The following COL4A4 variants were observed in gnomAD, a reference collection of about 807,000 sequenced individuals.
COL4A4 encodes the protein collagen type IV alpha 4 chain, also known as collagen alpha-4(IV) chain.
A neutral mutation model predicts 192.9 loss-of-function variants in COL4A4; 105 were observed. That is an observed-to-expected ratio of 0.54 (90% CI 0.46 to 0.64). COL4A4 has a LOEUF of 0.64. Among genes scored for constraint, COL4A4 ranks in the 30% least tolerant of loss-of-function variants. The pLI, the probability that COL4A4 is intolerant of heterozygous loss-of-function variation, is 0.00. For missense variants in COL4A4, 1,967 were observed against 2,169.3 expected (o/e 0.91, Z 1.85); for synonymous variants, 762 against 769.9 (o/e 0.99, Z 0.17).
At chr2:227,125,636 T>G (rs958268877) in intron 4 of COL4A4, among the ~76,000 whole-genome samples, 1 of 152,160 alleles carries the variant, frequency 6.6e-6, no homozygotes, top group Non-Finnish European at 1.5e-5. Flanking sequence ...CTGACCTCCC[T>G]GCACCAGATT....
At chr2:227,131,943 G>A (rs1203048070) in intron 4 of COL4A4, among the ~76,000 whole-genome samples, 1 of 152,234 alleles carries the variant, frequency 6.6e-6, no homozygotes, top group Non-Finnish European at 1.5e-5. Context: ...CCAGAGCCGT[G>A]GAGGGAGCCT....
chr2:226,976,303 A>T, the COL4A4 span, among the ~76,000 whole-genome samples: 1 of 147,438 alleles, frequency 6.8e-6, no homozygotes, highest in Admixed American at 6.9e-5. Context: ...CCCCCTGGAG[A>T]CACCACTAGA....
At chr2:227,141,158 C>T (rs2063182533) in intron 3 of COL4A4, among the ~76,000 whole-genome samples, 1 of 152,204 alleles carries the variant, frequency 6.6e-6, no homozygotes, top group Non-Finnish European at 1.5e-5. Flanking sequence ...GGACAAATCA[C>T]CTCTAGGTGC....
intron 22 of COL4A4, among the ~76,000 whole-genome samples, chr2:227,085,741 C>T (rs1222852762): frequency 2.0e-5 from 3 of 152,160 alleles, no homozygotes; most frequent in East Asian, 3.9e-4. Flanking sequence ...AGGGATGGAG[C>T]TAAGCCATTC....
rs535615278 is a variant in COL4A4, at chr2:227,076,449, G to C, written c.1987+1445C>G. On this transcript the variant is annotated intron_variant, in intron 25 of 47. Transcript: ENST00000396625. Reference sequence around the variant, plus strand: ...ACTGGCTAGCCATATGCAGAAAGCAGAAACTGGACCCCTTCCTTACATCTT... The same window carrying C: ...ACTGGCTAGCCATATGCAGAAAGCACAAACTGGACCCCTTCCTTACATCTT... Among the ~76,000 whole-genome samples, 5 of 152,324 alleles carry C rather than the reference G, an allele frequency of 3.3e-5. No homozygotes were observed. In the South Asian group the frequency reaches 1.0e-3, roughly 32 times the overall value.
intron 25 of COL4A4, among the ~76,000 whole-genome samples, chr2:227,071,655 TAA>T (rs2150402947): frequency 6.6e-6 from 1 of 152,132 alleles, no homozygotes; most frequent in South Asian, 2.1e-4. Flanking sequence ...GGCCACAAAA[TAA>T]GTCTCAATAA....
intron 44 of COL4A4, among the ~76,000 whole-genome samples, chr2:227,013,516 G>A (rs1964250453): frequency 2.0e-5 from 3 of 152,170 alleles, no homozygotes; most frequent in Admixed American, 2.0e-4. Context: ...CCCCAGGGAT[G>A]CATGTCCCTG....
rs916895963 is a variant in COL4A4, at chr2:227,007,538, G to T, written c.4860C>A (p.Gly1620=). 5.6e-6 allele frequency: 9 copies of T among 1,613,302 alleles called. No individual in the cohort carries two copies. Among genetic ancestry groups the T allele is most frequent in the Non-Finnish European group, 5.1e-6 (6 of 1,180,046 alleles). ...CTGCTCTGAAATCTTCCAGGCAGCT[G>T]CCAGGTGACATAAGGGCCTGCCCTC... ...QGGGQALMSP[G]SCLEDFRAAP... The change falls in exon 48 of 48, where the codon GGC becomes GGA. Residue 1620 remains glycine (G), a synonymous_variant. Transcript: ENST00000396625.
At chr2:227,139,756 G>A (rs969154254) in intron 4 of COL4A4, among the ~76,000 whole-genome samples, 1 of 152,184 alleles carries the variant, frequency 6.6e-6, no homozygotes, top group Admixed American at 6.5e-5. Flanking sequence ...TTTCAATAGC[G>A]ACAATCCAAG....
At chr2:227,156,292 G>T (rs1224297391) in intron 1 of COL4A4, among the ~76,000 whole-genome samples, 7 of 151,884 alleles carry the variant, frequency 4.6e-5, no homozygotes, top group African/African-American at 1.5e-4. Flanking sequence ...TCAGCTACGT[G>T]GGAGGCTGAG....
At chr2:227,052,095 G>T (rs1307553695) in intron 32 of COL4A4, among the ~76,000 whole-genome samples, 1 of 152,020 alleles carries the variant, frequency 6.6e-6, no homozygotes, top group African/African-American at 2.4e-5. Flanking sequence ...GGAGGCTGAG[G>T]CAGGAGAATC....
chr2:227,163,826 C>T (rs919579359), intron 1 of COL4A4, among the ~76,000 whole-genome samples, 181 bp downstream of exon 1: 1 of 152,170 alleles, frequency 6.6e-6, no homozygotes, highest in African/African-American at 2.4e-5. Context: ...CACACAGCAC[C>T]CAGTTAAAGC....
At chr2:227,101,287 A>G (rs1224379746) in intron 17 of COL4A4, among the ~76,000 whole-genome samples, 2 of 152,188 alleles carry the variant, frequency 1.3e-5, no homozygotes, top group Non-Finnish European at 2.9e-5. Flanking sequence ...CTGTAAGTCC[A>G]TTTAACCTCT....
intron 19 of COL4A4, 79 bp downstream of exon 19, chr2:227,098,615 A>G (rs2060333767): frequency 8.5e-6 from 9 of 1,055,412 alleles, no homozygotes; most frequent in Middle Eastern, 2.0e-4. Context: ...AATATCAGCT[A>G]CAGTTGAAAG....
intron 22 of COL4A4, among the ~76,000 whole-genome samples, chr2:227,082,702 G>A (rs1395466757): frequency 6.6e-6 from 1 of 152,222 alleles, no homozygotes; most frequent in African/African-American, 2.4e-5. Context: ...TTAGGGATAA[G>A]TTTGTGATGA....
chr2:227,098,864 T>C, intron 18 of COL4A4, 66 bp from the exon 19 acceptor site: 1 of 1,320,772 alleles, frequency 7.6e-7, no homozygotes, highest in Non-Finnish European at 1.1e-6. Context: ...AAGACAACAA[T>C]TACTTTTTGT....
Position 227,043,178 on chromosome 2 carries a change from A to G in COL4A4, c.3296T>C (p.Phe1099Ser), listed in dbSNP as rs1430145246. Residue 1099 changes from phenylalanine to serine, a missense_variant, in exon 36 of 48, where the codon TTT becomes TCT. Transcript: ENST00000396625. The stretch of plus-strand genomic sequence containing the variant: ...CAAGCCCTGCTCTCCGGATGCTCCA[A>G]AATGCCCTAAAGAAGGAAAGATCAA... ...EPGSPGCPGH[F>S]GASGEQGLPG... 6.2e-7 allele frequency: 1 copy of G among 1,613,902 alleles called. No individual in the cohort carries two copies. Among genetic ancestry groups the G allele is most frequent in the East Asian group, 2.2e-5 (1 of 44,874 alleles).
chr2:227,128,250 C>A (rs939224315), intron 4 of COL4A4, among the ~76,000 whole-genome samples: 1 of 152,228 alleles, frequency 6.6e-6, no homozygotes, highest in African/African-American at 2.4e-5. Context: ...CACTAAATCA[C>A]GCTCATGCCA....
chr2:227,035,187 G>A (rs920952042), intron 37 of COL4A4, among the ~76,000 whole-genome samples: 2 of 152,110 alleles, frequency 1.3e-5, no homozygotes, highest in African/African-American at 4.8e-5. Flanking sequence ...TTCAATAAAT[G>A]TTTGTTGAGT....
Sources: gnomAD v4.1 joint callset for allele counts (sites outside exome capture counted in the v4.1 genomes callset) on GRCh38, gnomAD v4.1.1 for gene constraint, MANE v1.5 for transcripts, NCBI Gene and HGNC (gene_info 2026-07-23, HGNC 2026-07-21) for gene names.